Variants in CTIF observed in about 807,000 individuals in gnomAD.
The protein encoded by CTIF is CBP80/20-dependent translation initiation factor.
A neutral mutation model predicts 66.0 loss-of-function variants in CTIF; 21 were observed. The observed-to-expected ratio is 0.32, with a 90% CI of 0.23 to 0.46. The LOEUF (loss-of-function observed/expected upper bound fraction) is 0.46. CTIF is among the 20% of genes least tolerant of loss of function. The pLI, the probability that CTIF is intolerant of heterozygous loss-of-function variation, is 1.00. For synonymous variants in CTIF, 345 were observed against 326.4 expected (o/e 1.06, Z -0.62); for missense variants, 739 against 812.7 (o/e 0.91, Z 1.10).
intron 9 of CTIF, among the ~76,000 whole-genome samples, chr18:48,764,779 G>T (rs527343104): frequency 1.3e-5 from 2 of 152,370 alleles, no homozygotes; most frequent in South Asian, 4.1e-4. Context: ...ACCACCTGCA[G>T]TCCCAGCTTT....
chr18:48,725,283 A>G (rs2092376586), intron 7 of CTIF, among the ~76,000 whole-genome samples: 1 of 152,110 alleles, frequency 6.6e-6, no homozygotes, highest in African/African-American at 2.4e-5. Flanking sequence ...GTGCCCTGAT[A>G]TTCAGGAGGG....
intron 10 of CTIF, among the ~76,000 whole-genome samples, chr18:48,854,247 A>C (rs776492579): frequency 5.9e-5 from 9 of 152,116 alleles, no homozygotes; most frequent in Admixed American, 1.3e-4. Context: ...CAGGGAGGGC[A>C]GGGACTGGGG....
At chr18:48,787,998 G>T (rs1046665815) in intron 9 of CTIF, among the ~76,000 whole-genome samples, 3 of 152,176 alleles carry the variant, frequency 2.0e-5, no homozygotes, top group Admixed American at 2.0e-4. Flanking sequence ...TCAGCGGGAG[G>T]TGAGGCTGGG....
intron 9 of CTIF, among the ~76,000 whole-genome samples, chr18:48,797,495 GGT>G (rs1555695496): frequency 1.9e-4 from 28 of 148,046 alleles, no homozygotes; most frequent in African/African-American, 7.1e-4. Context: ...AAAGAAAAGG[GGT>G]GGGGGGGCAA....
At chr18:48,617,825 T>C (rs1261037714) in intron 1 of CTIF, among the ~76,000 whole-genome samples, 1 of 150,884 alleles carries the variant, frequency 6.6e-6, no homozygotes, top group African/African-American at 2.4e-5. Context: ...TTCCTCCCTC[T>C]AGGATGGGTG....
At chr18:48,790,787 G>A (rs1424575078) in intron 9 of CTIF, among the ~76,000 whole-genome samples, 3 of 152,152 alleles carry the variant, frequency 2.0e-5, no homozygotes, top group Non-Finnish European at 2.9e-5. Flanking sequence ...GCCTGCAGTC[G>A]CCACCCTGGA....
chr18:48,548,771 T>G (rs2088814948), intron 1 of CTIF, among the ~76,000 whole-genome samples: 1 of 152,254 alleles, frequency 6.6e-6, no homozygotes, highest in South Asian at 2.1e-4. Flanking sequence ...GCTGTTAACC[T>G]TTGCCTCAGT....
At chr18:48,638,837 A>G (rs545310192) in intron 3 of CTIF, among the ~76,000 whole-genome samples, 49 of 152,358 alleles carry the variant, frequency 3.2e-4, no homozygotes, top group African/African-American at 1.2e-3. Context: ...ATTACAGGGG[A>G]GGAGCCCAAG....
intron 7 of CTIF, among the ~76,000 whole-genome samples, chr18:48,738,669 C>G (rs1159242281): frequency 6.6e-6 from 1 of 152,206 alleles, no homozygotes; most frequent in Non-Finnish European, 1.5e-5. Context: ...CAGTCTCCAC[C>G]AGGGGTGCCC....
rs80310738 is a variant in CTIF, at chr18:48,738,301, A to G, written c.585-19618A>G. Among the ~76,000 whole-genome samples the G allele has an allele frequency of 3.0e-3, 453 of 152,126 alleles. 14 individuals are homozygous for G. The highest frequency in any genetic ancestry group is 0.027 in the Admixed American group (409 of 15,292). On this transcript the variant is annotated intron_variant, in intron 7 of 11. Transcript: ENST00000256413. ...CCGGGATTACTCCTATAACATTACT[A>G]TCTTTGATCTCACCTTTTTCAATGT...
chr18:48,604,944 G>T (rs146743496), intron 1 of CTIF, among the ~76,000 whole-genome samples: 2 of 152,184 alleles, frequency 1.3e-5, no homozygotes, highest in African/African-American at 2.4e-5. Context: ...ATGTGGTAGC[G>T]TGGATCAGTA....
intron 1 of CTIF, among the ~76,000 whole-genome samples, chr18:48,615,159 G>A (rs775239368): frequency 6.6e-6 from 1 of 152,186 alleles, no homozygotes; most frequent in African/African-American, 2.4e-5. Context: ...GCCTCCCAAA[G>A]GGCTGGGATT....
chr18:48,706,802 AC>A (rs1261386815), intron 6 of CTIF, among the ~76,000 whole-genome samples: 4 of 152,020 alleles, frequency 2.6e-5, no homozygotes, highest in Non-Finnish European at 5.9e-5. Flanking sequence ...TTCCACGTGT[AC>A]TCTGCCGGCG....
chr18:48,632,910 G>C (rs1444654889), intron 2 of CTIF, among the ~76,000 whole-genome samples: 1 of 152,128 alleles, frequency 6.6e-6, no homozygotes, highest in Admixed American at 6.5e-5. Context: ...GTTGGCAAAT[G>C]TACAGTTATG....
intron 3 of CTIF, among the ~76,000 whole-genome samples, chr18:48,643,414 G>T (rs1483381702): frequency 6.6e-6 from 1 of 152,194 alleles, no homozygotes; most frequent in East Asian, 1.9e-4. Context: ...GGGAAACACA[G>T]CAAGGCCTGT....
chr18:48,635,781 C>A (rs554768020), intron 2 of CTIF, among the ~76,000 whole-genome samples: 1 of 152,286 alleles, frequency 6.6e-6, no homozygotes, highest in East Asian at 1.9e-4. Flanking sequence ...TGCATTGTAT[C>A]TATACAGTGT....
chr18:48,572,461 T>C (rs562846648), intron 1 of CTIF, among the ~76,000 whole-genome samples: 1 of 151,930 alleles, frequency 6.6e-6, no homozygotes, highest in East Asian at 1.9e-4. Flanking sequence ...TAAAGATGAG[T>C]CCTCTCTTTT....
At chr18:48,623,294 TG>T (rs2090530886) in intron 2 of CTIF, among the ~76,000 whole-genome samples, 2 of 152,212 alleles carry the variant, frequency 1.3e-5, no homozygotes, top group Non-Finnish European at 2.9e-5. Flanking sequence ...GGCAGGATGC[TG>T]GGGCCTGCAG....
intron 6 of CTIF, among the ~76,000 whole-genome samples, chr18:48,709,069 C>T (rs748383154): frequency 6.6e-6 from 1 of 152,202 alleles, no homozygotes; most frequent in East Asian, 1.9e-4. Flanking sequence ...TTACATGTTT[C>T]GGAACTCATT....
Sources: gnomAD v4.1 joint callset for allele counts (sites outside exome capture counted in the v4.1 genomes callset) on GRCh38, gnomAD v4.1.1 for gene constraint, MANE v1.5 for transcripts, NCBI Gene and HGNC (gene_info 2026-07-23, HGNC 2026-07-21) for gene names.